The following AFF2 variants were observed in gnomAD, a reference collection of about 807,000 sequenced individuals.
AFF2 encodes AF4/FMR2 family member 2.
In AFF2, 14 loss-of-function variants were observed where a neutral mutation model predicts 76.9. The observed-to-expected ratio is 0.18, with a 90% CI of 0.12 to 0.28. The LOEUF (loss-of-function observed/expected upper bound fraction) is 0.28. AFF2 is among the 10% of genes least tolerant of loss of function. The pLI is 1.00. For synonymous variants in AFF2, 398 were observed against 366.7 expected, an observed-to-expected ratio of 1.09 and a Z score of -0.98; for missense variants, 868 against 1,001.1, an observed-to-expected ratio of 0.87 and a Z score of 1.79.
At chrX:148,771,177 C>T (rs2069582743) in intron 3 of AFF2, among the ~76,000 whole-genome samples, 1 of 111,715 alleles carries the variant, frequency 9.0e-6, no homozygotes, top group Admixed American at 9.5e-5. Context: ...CAGACTCTGC[C>T]TATTTCTTTT....
intron 1 of AFF2, among the ~76,000 whole-genome samples, chrX:148,585,078 T>C (rs1334332027): frequency 8.9e-6 from 1 of 112,056 alleles, no homozygotes; most frequent in Non-Finnish European, 1.9e-5. Flanking sequence ...AAGCCCTGAC[T>C]CCTCTGAGAG....
intron 3 of AFF2, among the ~76,000 whole-genome samples, chrX:148,797,238 G>A (rs2069996728): frequency 1.8e-5 from 2 of 111,713 alleles, no homozygotes; most frequent in South Asian, 3.7e-4. Flanking sequence ...TAACAGACAC[G>A]AGTCACCTTA....
intron 1 of AFF2, among the ~76,000 whole-genome samples, chrX:148,616,747 C>T (rs1329508251): frequency 3.8e-5 from 4 of 106,611 alleles, no homozygotes; most frequent in Admixed American, 1.0e-4. Flanking sequence ...CAACAGTCCC[C>T]GGTGTGTGAT....
intron 4 of AFF2, among the ~76,000 whole-genome samples, chrX:148,823,425 A>G (rs782721041): frequency 8.9e-6 from 1 of 111,773 alleles, no homozygotes; most frequent in Admixed American, 9.5e-5. Flanking sequence ...TTGAATTTAA[A>G]TTAATTAAAT....
intron 3 of AFF2, among the ~76,000 whole-genome samples, chrX:148,797,416 A>G (rs782221718): frequency 8.9e-6 from 1 of 112,141 alleles, no homozygotes; most frequent in East Asian, 2.8e-4. Flanking sequence ...GGCAGGGACA[A>G]AGTGTTACAT....
intron 4 of AFF2, among the ~76,000 whole-genome samples, chrX:148,811,551 A>G (rs1175618275): frequency 8.9e-6 from 1 of 112,195 alleles, no homozygotes; most frequent in Non-Finnish European, 1.9e-5. Context: ...ATTGAAAGAA[A>G]TGTCTTACTC....
At chrX:148,729,776 G>A (rs1403408830) in intron 3 of AFF2, among the ~76,000 whole-genome samples, 1 of 112,005 alleles carries the variant, frequency 8.9e-6, no homozygotes, top group Non-Finnish European at 1.9e-5. Context: ...TTGGGAAGGA[G>A]GCACTTTACT....
intron 3 of AFF2, among the ~76,000 whole-genome samples, chrX:148,716,583 G>T (rs1290741746): frequency 9.0e-6 from 1 of 111,356 alleles, no homozygotes; most frequent in Admixed American, 9.6e-5. Context: ...AGTTTACTAT[G>T]GATGGCTCTG....
intron 3 of AFF2, among the ~76,000 whole-genome samples, chrX:148,718,554 A>T (rs782676491): frequency 9.0e-6 from 1 of 111,634 alleles, no homozygotes; most frequent in Non-Finnish European, 1.9e-5. Flanking sequence ...GGTCGCCGTG[A>T]AGTTCATATG....
At chrX:148,580,501 G>A (rs1190929340) in intron 1 of AFF2, among the ~76,000 whole-genome samples, 2 of 111,396 alleles carry the variant, frequency 1.8e-5, no homozygotes, top group African/African-American at 6.5e-5. Context: ...TCTTGTAAGT[G>A]TAAAGAAAAT....
intron 7 of AFF2, among the ~76,000 whole-genome samples, chrX:148,885,322 C>T (rs782543149): frequency 1.8e-5 from 2 of 111,637 alleles, no homozygotes; most frequent in African/African-American, 6.5e-5. Flanking sequence ...AGGAAGAGAT[C>T]GGTCATATAT....
chrX:148,668,239 TG>T (rs2054380549), intron 3 of AFF2, among the ~76,000 whole-genome samples: 1 of 113,289 alleles, frequency 8.8e-6, no homozygotes, highest in African/African-American at 3.2e-5. Flanking sequence ...TCTGCCCCTG[TG>T]GCTTTGCAGG....
At chrX:148,602,600 G>A (rs2053636525) in intron 1 of AFF2, among the ~76,000 whole-genome samples, 1 of 110,563 alleles carries the variant, frequency 9.0e-6, no homozygotes, top group Non-Finnish European at 1.9e-5. Context: ...GTAGGTAGAT[G>A]AAATTTGCTC....
intron 1 of AFF2, among the ~76,000 whole-genome samples, chrX:148,581,775 CTAAAAA>C (rs1276029681): frequency 4.5e-5 from 5 of 112,248 alleles, no homozygotes; most frequent in Non-Finnish European, 5.7e-5. Context: ...TGTATACTTA[CTAAAAA>C]TAAAGATTCT....
At chrX:148,694,534 A>T (rs906719183) in intron 3 of AFF2, among the ~76,000 whole-genome samples, 1 of 111,413 alleles carries the variant, frequency 9.0e-6, no homozygotes, top group Non-Finnish European at 1.9e-5. Flanking sequence ...AGCTACAATA[A>T]GTAAATTTTT....
chrX:148,978,265 G>A, intron 17 of AFF2, 97 bp from the exon 18 acceptor site: 2 of 618,738 alleles, frequency 3.2e-6, no homozygotes, highest in Non-Finnish European at 5.2e-6. Context: ...CTAACCATAG[G>A]AAAGTAACTG....
intron 1 of AFF2, among the ~76,000 whole-genome samples, chrX:148,602,284 C>T (rs924396976): frequency 1.8e-5 from 2 of 111,291 alleles, no homozygotes; most frequent in East Asian, 2.8e-4. Flanking sequence ...AAGAAGAAGG[C>T]GGGGACAGAT....
At chrX:148,835,146 G>A (rs368428402) in intron 4 of AFF2, among the ~76,000 whole-genome samples, 8 of 111,422 alleles carry the variant, frequency 7.2e-5, no homozygotes, top group African/African-American at 2.6e-4. Context: ...CTTTTGAGAA[G>A]TGACTTTATT....
chrX:148,748,943 A>G (rs2055460734), intron 3 of AFF2, among the ~76,000 whole-genome samples: 1 of 111,838 alleles, frequency 8.9e-6, no homozygotes, highest in Non-Finnish European at 1.9e-5. Context: ...TTTCTCACAT[A>G]CATTTTTAAT....
Sources: gnomAD v4.1 joint callset for allele counts (sites outside exome capture counted in the v4.1 genomes callset) on GRCh38, gnomAD v4.1.1 for gene constraint, MANE v1.5 for transcripts, NCBI Gene and HGNC (gene_info 2026-07-23, HGNC 2026-07-21) for gene names.